Variants in SLC17A8 observed in about 807,000 individuals in gnomAD.
The protein encoded by SLC17A8 is vesicular glutamate transporter 3.
In SLC17A8, 31 loss-of-function variants were observed where a neutral mutation model predicts 58.0. That is an observed-to-expected ratio of 0.53 (90% confidence interval 0.40 to 0.72). The LOEUF is 0.72. Ranked by LOEUF, SLC17A8 falls within the 30% of genes least tolerant of loss-of-function variation. The probability of loss-of-function intolerance (pLI) is 0.00; values close to 1 mark genes in which losing one functional copy is unlikely to be tolerated. For missense variants in SLC17A8, 655 were observed against 727.8 expected, an observed-to-expected ratio of 0.90 and a Z score of 1.15; for synonymous variants, 228 against 249.0, an observed-to-expected ratio of 0.92 and a Z score of 0.79.
intron 5 of SLC17A8, among the ~76,000 whole-genome samples, chr12:100,399,807 A>G (rs941568471): frequency 2.0e-5 from 3 of 152,168 alleles, no homozygotes; most frequent in Non-Finnish European, 2.9e-5. Flanking sequence ...AGTTTCCCCA[A>G]TGATAGAATG....
intron 9 of SLC17A8, among the ~76,000 whole-genome samples, chr12:100,405,860 C>A (rs77892340): frequency 6.6e-6 from 1 of 152,092 alleles, no homozygotes; most frequent in Non-Finnish European, 1.5e-5. Flanking sequence ...ACTAACACAG[C>A]GGTAGGCAGG....
intron 9 of SLC17A8, among the ~76,000 whole-genome samples, chr12:100,405,338 C>T (rs528211561): frequency 6.6e-6 from 1 of 152,262 alleles, no homozygotes; most frequent in African/African-American, 2.4e-5. Flanking sequence ...TAGAATAATG[C>T]CCATGTCCTA....
intron 1 of SLC17A8, among the ~76,000 whole-genome samples, chr12:100,369,341 G>A (rs1952543740): frequency 6.6e-6 from 1 of 152,160 alleles, no homozygotes; most frequent in Non-Finnish European, 1.5e-5. Flanking sequence ...GAAGGATCAG[G>A]TCTGGATGCT....
At chr12:100,402,071 C>T (rs1952794919) in intron 6 of SLC17A8, among the ~76,000 whole-genome samples, 2 of 151,968 alleles carry the variant, frequency 1.3e-5, no homozygotes, top group Non-Finnish European at 2.9e-5. Flanking sequence ...TCTTTAAATA[C>T]CAGTTAACAA....
At chr12:100,368,445 G>C (rs532916657) in intron 1 of SLC17A8, among the ~76,000 whole-genome samples, 1 of 152,232 alleles carries the variant, frequency 6.6e-6, no homozygotes, top group East Asian at 1.9e-4. Context: ...CATCTGTGAA[G>C]ACTCCATTTC....
chr12:100,404,159 T>A lies in SLC17A8; in HGVS notation c.1175T>A (p.Met392Lys). The A allele has an allele frequency of 6.2e-7, 1 of 1,614,200 alleles. No individual in the cohort carries two copies. Among genetic ancestry groups the A allele is most frequent in the Non-Finnish European group, 8.5e-7 (1 of 1,180,032 alleles). Residue 392 changes from methionine to lysine, a missense_variant, in exon 9 of 12, where the codon ATG becomes AAG. Met to Lys is a moderately conservative substitution (Grantham distance 95). Coordinates refer to ENST00000323346, the MANE Select transcript of SLC17A8 (RefSeq NM_139319.3). ...ILTTTAVRKI[M>K]NCGGFGMEAT... ...ACCACAACTGCTGTCAGAAAAATCATGAACTGTGGAGGTACTGTGGATTTC... is the reference window on the plus strand; with the variant it reads ...ACCACAACTGCTGTCAGAAAAATCAAGAACTGTGGAGGTACTGTGGATTTC...
At chr12:100,395,326 ATTTT>A (rs11304705) in intron 4 of SLC17A8, among the ~76,000 whole-genome samples, 2 of 138,112 alleles carry the variant, frequency 1.4e-5, no homozygotes, top group South Asian at 2.3e-4. Flanking sequence ...AAACAAAAGA[ATTTT>A]TTTTTTTTTT....
At chr12:100,416,207 T>C (rs1952905650) in intron 10 of SLC17A8, among the ~76,000 whole-genome samples, 1 of 152,230 alleles carries the variant, frequency 6.6e-6, no homozygotes, top group Non-Finnish European at 1.5e-5. Context: ...ATTGTGCAGC[T>C]AGAAACCTAA....
chr12:100,376,792 G>C (rs1184909959), intron 1 of SLC17A8, among the ~76,000 whole-genome samples: 1 of 152,026 alleles, frequency 6.6e-6, no homozygotes, highest in Admixed American at 6.6e-5. Flanking sequence ...GTCAATATTA[G>C]AGCATCAGTT....
chr12:100,392,223 C>T (rs1054172198), intron 3 of SLC17A8, among the ~76,000 whole-genome samples: 18 of 151,528 alleles, frequency 1.2e-4, no homozygotes, highest in African/African-American at 4.4e-4. Context: ...TTCTAAAGCA[C>T]AACTCATTAG....
At chr12:100,408,334 C>T (rs1189903615) in intron 9 of SLC17A8, among the ~76,000 whole-genome samples, 1 of 152,196 alleles carries the variant, frequency 6.6e-6, no homozygotes, top group East Asian at 1.9e-4. Context: ...AATTCTTGTC[C>T]TGCCCCCTCT....
rs1593000647 is a variant in SLC17A8, at chr12:100,396,173, C to T, written c.589-157C>T. On this transcript the variant is annotated intron_variant, in intron 4 of 11. Transcript: ENST00000323346. Reference sequence around the variant, plus strand: ...CATCACATTGGGAATTAGGTTTTAACATAGGAATTTGGTGGGGACACAAAC... The same window carrying T: ...CATCACATTGGGAATTAGGTTTTAATATAGGAATTTGGTGGGGACACAAAC... Among the ~76,000 whole-genome samples the T allele has an allele frequency of 3.9e-5, 6 of 151,938 alleles. No individual in the cohort carries two copies. In the South Asian group the frequency reaches 1.2e-3, roughly 31 times the overall value.
chr12:100,360,921 G>A (rs905412228), intron 1 of SLC17A8, among the ~76,000 whole-genome samples: 2 of 152,172 alleles, frequency 1.3e-5, no homozygotes, highest in African/African-American at 4.8e-5. Context: ...GGCTTAAGGG[G>A]AGTCTGGTCT....
chr12:100,385,150 G>GAGAA (rs1323546571), intron 2 of SLC17A8, among the ~76,000 whole-genome samples: 8 of 151,656 alleles, frequency 5.3e-5, no homozygotes, highest in Non-Finnish European at 1.0e-4. Context: ...GAGAGAGAGA[G>GAGAA]AGAGAAAGAG....
chr12:100,387,729 C>T (rs188252663), intron 2 of SLC17A8, among the ~76,000 whole-genome samples: 8 of 152,236 alleles, frequency 5.3e-5, no homozygotes, highest in East Asian at 3.9e-4. Context: ...GAAAGAATAT[C>T]GTGTTTTGGG....
intron 10 of SLC17A8, among the ~76,000 whole-genome samples, chr12:100,415,433 C>CAAAA (rs71303557): frequency 4.6e-5 from 6 of 130,690 alleles, no homozygotes; most frequent in South Asian, 2.5e-4. Context: ...GATTCTGTCT[C>CAAAA]AAAAAAAAAA....
In SLC17A8 at chr12:100,412,431, G is replaced by A. The variant is rs567765730; in HGVS notation, c.1187-339G>A. 2.6e-5 allele frequency among the ~76,000 whole-genome samples: 4 copies of A among 152,010 alleles called. No individual in the cohort carries two copies. The East Asian group carries it at 5.8e-4, about 22-fold the overall frequency. ...GGGGCCTGCTAGGGGGCAAGGGGAGGGACAGCATTAGGGCAAATACCTAAT... is the reference window on the plus strand; with the variant it reads ...GGGGCCTGCTAGGGGGCAAGGGGAGAGACAGCATTAGGGCAAATACCTAAT... On this transcript the variant is annotated intron_variant, in intron 9 of 11. Transcript: ENST00000323346.
In SLC17A8 at chr12:100,405,273, G is replaced by A. The variant is rs73376025; in HGVS notation, c.1186+1103G>A. On this transcript the variant is annotated intron_variant, in intron 9 of 11. Transcript: ENST00000323346. ...TATAGGCCTGCTATCTGGTGGGCAGGAGGTGAAGCTCTGGGACATTGCATT... is the reference window on the plus strand; with the variant it reads ...TATAGGCCTGCTATCTGGTGGGCAGAAGGTGAAGCTCTGGGACATTGCATT... 6.5e-3 allele frequency among the ~76,000 whole-genome samples: 992 copies of A among 152,328 alleles called. 16 individuals carry two copies. Among genetic ancestry groups the A allele is most frequent in the African/African-American group, 0.023 (952 of 41,578 alleles).
At chr12:100,380,443 T>C (rs541762786) in intron 1 of SLC17A8, among the ~76,000 whole-genome samples, 2 of 151,878 alleles carry the variant, frequency 1.3e-5, no homozygotes, top group East Asian at 3.9e-4. Flanking sequence ...AAATGATTGA[T>C]TGAATGTTTA....
Sources: allele counts gnomAD v4.1 joint callset (sites outside exome capture counted in the v4.1 genomes callset), GRCh38; gene constraint gnomAD v4.1.1; transcripts MANE v1.5; gene names NCBI Gene and HGNC (gene_info 2026-07-23, HGNC 2026-07-21).